The following BRSK2 variants were observed in gnomAD, a reference collection of about 807,000 sequenced individuals.
The protein encoded by BRSK2 is BR serine/threonine kinase 2, also known as serine/threonine-protein kinase BRSK2.
BRSK2 carries 19 observed loss-of-function variants against 83.3 expected under a neutral mutation model. That is an observed-to-expected ratio of 0.23 (90% CI 0.16 to 0.33). The LOEUF is 0.33. BRSK2 is among the 10% of genes least tolerant of loss of function. BRSK2 has a pLI of 1.00. For missense variants in BRSK2, 798 were observed against 1,042.3 expected (o/e 0.77, Z 3.23); for synonymous variants, 519 against 435.4 (o/e 1.19, Z -2.39).
At chr11:1,409,091 T>C (rs1217940842) in intron 1 of BRSK2, among the ~76,000 whole-genome samples, 1 of 151,984 alleles carries the variant, frequency 6.6e-6, no homozygotes, top group Non-Finnish European at 1.5e-5. Flanking sequence ...TAAGGGTGTG[T>C]GTACACACAT....
At chr11:1,458,301 C>T (rs1305456932) in intron 18 of BRSK2, among the ~76,000 whole-genome samples, 1 of 152,158 alleles carries the variant, frequency 6.6e-6, no homozygotes, top group Non-Finnish European at 1.5e-5. Context: ...CTGGAGCCAA[C>T]TCCAAGCCCC....
chr11:1,409,583 T>C (rs1847192780), intron 1 of BRSK2: 1 of 151,862 alleles, frequency 6.6e-6, no homozygotes, highest in African/African-American at 2.4e-5. Flanking sequence ...TGGTTCTGTT[T>C]ATGGGTGTTG....
chr11:1,397,736 TG>T (rs1015619027), intron 1 of BRSK2, among the ~76,000 whole-genome samples: 1 of 152,162 alleles, frequency 6.6e-6, no homozygotes, highest in African/African-American at 2.4e-5. Context: ...CTGTCTGCCC[TG>T]GGGGTACCAT....
chr11:1,442,440 C>A, intron 4 of BRSK2, 50 bp from the exon 5 acceptor site: 1 of 1,473,444 alleles, frequency 6.8e-7, no homozygotes, highest in Non-Finnish European at 9.5e-7. Flanking sequence ...GGCGGGGAGG[C>A]GCTCAAGGCA....
intron 1 of BRSK2, among the ~76,000 whole-genome samples, chr11:1,399,339 C>T (rs191337479): frequency 7.1e-4 from 108 of 152,288 alleles, no homozygotes; most frequent in Non-Finnish European, 1.4e-3. Flanking sequence ...GGACTGAGCC[C>T]AGGGCCTGGC....
chr11:1,460,290 G>T (rs1042256773), intron 19 of BRSK2, among the ~76,000 whole-genome samples: 1 of 151,834 alleles, frequency 6.6e-6, no homozygotes, highest in Admixed American at 6.6e-5. Context: ...GCCCCTGCCG[G>T]CCGCCGCCTG....
intron 1 of BRSK2, among the ~76,000 whole-genome samples, chr11:1,392,815 G>A (rs1845809952): frequency 6.6e-6 from 1 of 152,204 alleles, no homozygotes; most frequent in Non-Finnish European, 1.5e-5. Context: ...TTGGGTCTGT[G>A]CGTCCTGCAG....
chr11:1,436,472 C>T (rs1850313335), intron 2 of BRSK2, among the ~76,000 whole-genome samples: 2 of 152,162 alleles, frequency 1.3e-5, no homozygotes, highest in Non-Finnish European at 2.9e-5. Flanking sequence ...AGTTCCCTGC[C>T]TCAGAGCACC....
intron 1 of BRSK2, among the ~76,000 whole-genome samples, chr11:1,411,916 C>T (rs946685543): frequency 4.6e-5 from 7 of 152,246 alleles, no homozygotes; most frequent in Non-Finnish European, 1.0e-4. Context: ...GCTGCCCCAT[C>T]CTGTGGGGAA....
intron 1 of BRSK2, among the ~76,000 whole-genome samples, chr11:1,422,195 G>A (rs1034969888): frequency 1.3e-5 from 2 of 152,188 alleles, no homozygotes; most frequent in Admixed American, 1.3e-4. Flanking sequence ...ATGATCAGGG[G>A]TGAGCCAAGT....
At position 1,445,564 on chromosome 11, in the gene BRSK2, G is replaced by A. The variant is rs376946888; in HGVS notation, c.978-7G>A. 8.0e-5 allele frequency: 126 copies of A among 1,582,036 alleles called. No individual in the cohort carries two copies. The South Asian group carries it at 1.1e-3, about 14-fold the overall frequency. On this transcript the variant is annotated splice_region_variant and splice_polypyrimidine_tract_variant and intron_variant, in intron 10 of 19. Coordinates refer to ENST00000528841, the MANE Select transcript of BRSK2 (RefSeq NM_001256627.2). ...CCAGCGCGTCTCGCGCCTCTCGCCC[G>A]CTGTAGGGAGAACCAGGAGAAGATG...
chr11:1,415,565 G>A (rs1210257287), intron 1 of BRSK2, among the ~76,000 whole-genome samples: 1 of 152,190 alleles, frequency 6.6e-6, no homozygotes, highest in Non-Finnish European at 1.5e-5. Flanking sequence ...TTAACTTTGA[G>A]GAGCTGCCAG....
At position 1,390,254 on chromosome 11, in the gene BRSK2, G is replaced by A. The variant is rs1845636330; in HGVS notation, c.-31G>A. 1 of 997,304 alleles carries A rather than the reference G, an allele frequency of 1.0e-6. No individual in the cohort carries two copies. Among genetic ancestry groups the A allele is most frequent in the Non-Finnish European group, 1.2e-6 (1 of 832,242 alleles). The allele number at this position is 997,304 out of a possible 1,614,324, so 61.8% of individuals were successfully genotyped here. On this transcript the variant is annotated 5_prime_UTR_variant, in exon 1 of 20. Transcript: ENST00000528841. This position sits in a 1 kb window ranked among gnomAD's most constrained non-coding sequence, Gnocchi z 6.8. ...GGCCCCTCCCTGCCCGCGCGCCCGG[G>A]CGCCCCTGGCCGGCGCCGGGCCCCA...
In BRSK2 at chr11:1,460,894, G is replaced by C. The variant is rs993943862; in HGVS notation, c.*171G>C. The stretch of plus-strand genomic sequence containing the variant: ...GGCCGGCCTGTGGGCTGCGCCACCC[G>C]CGCCCGCTCTCTTTTCTCTCTGTCT... On this transcript the variant is annotated 3_prime_UTR_variant, in exon 20 of 20. Transcript: ENST00000528841. 1.2e-6 allele frequency: 2 copies of C among 1,604,148 alleles called. No individual in the cohort carries two copies. Among genetic ancestry groups the C allele is most frequent in the African/African-American group, 2.7e-5 (2 of 74,766 alleles).
At chr11:1,412,953 G>A (rs926760031) in intron 1 of BRSK2, among the ~76,000 whole-genome samples, 2 of 151,998 alleles carry the variant, frequency 1.3e-5, no homozygotes, top group Non-Finnish European at 2.9e-5. Flanking sequence ...CGCCCTTTCT[G>A]ACTGCTGTAG....
intron 1 of BRSK2, among the ~76,000 whole-genome samples, chr11:1,409,000 G>A (rs529257264): frequency 6.6e-6 from 1 of 152,224 alleles, no homozygotes; most frequent in Non-Finnish European, 1.5e-5. Context: ...GTCTGTGCAG[G>A]GGTGTGCATA....
At chr11:1,415,893 G>A (rs916538734) in intron 1 of BRSK2, among the ~76,000 whole-genome samples, 4 of 152,270 alleles carry the variant, frequency 2.6e-5, no homozygotes, top group South Asian at 2.1e-4. Context: ...GGTAAAGGCC[G>A]GAGCTCCCAG....
chr11:1,460,458 T>G, intron 19 of BRSK2, 42 bp from the exon 20 acceptor site: 1 of 1,167,708 alleles, frequency 8.6e-7, no homozygotes, highest in Non-Finnish European at 1.1e-6. Flanking sequence ...TTTTTCTTTT[T>G]TCCTTTTTTT....
intron 1 of BRSK2, among the ~76,000 whole-genome samples, chr11:1,397,325 C>A (rs947100521): frequency 6.6e-6 from 1 of 152,154 alleles, no homozygotes; most frequent in African/African-American, 2.4e-5. Context: ...ACGGATTGTG[C>A]CAAGCCGGCT....
Sources: allele counts gnomAD v4.1 joint callset (sites outside exome capture counted in the v4.1 genomes callset), GRCh38; gene constraint gnomAD v4.1.1; non-coding constraint Gnocchi (gnomAD v3.1); transcripts MANE v1.5; gene names NCBI Gene and HGNC (gene_info 2026-07-23, HGNC 2026-07-21).